The following RIT2 variants were observed in gnomAD, a reference collection of about 807,000 sequenced individuals.
The protein encoded by RIT2 is Ras like without CAAX 2, also known as GTP-binding protein Rit2.
In RIT2, 24 loss-of-function variants were observed where a neutral mutation model predicts 23.7. The observed-to-expected ratio is 1.01, with a 90% CI of 0.73 to 1.43. The LOEUF is 1.43. Among genes scored for constraint, RIT2 ranks in the 40% most tolerant of loss-of-function variants. The probability of loss-of-function intolerance (pLI) is 0.00; values close to 1 mark genes in which losing one functional copy is unlikely to be tolerated. For missense variants in RIT2, 236 were observed against 266.9 expected, an observed-to-expected ratio of 0.88 and a Z score of 0.81; for synonymous variants, 107 against 91.1, an observed-to-expected ratio of 1.17 and a Z score of -0.99.
chr18:42,913,730 C>A lies in RIT2; in HGVS notation c.426+9842G>T, dbSNP rs544524048. On this transcript the variant is annotated intron_variant, in intron 4 of 4. Coordinates refer to ENST00000326695, the MANE Select transcript of RIT2 (RefSeq NM_002930.4). The stretch of plus-strand genomic sequence containing the variant: ...TGCAGGGAGGCGCTGGTAAGATGGT[C>A]AAAGGATACAACATTTCAGCTAGTT... Among the ~76,000 whole-genome samples, 61 of 151,902 alleles carry A rather than the reference C, an allele frequency of 4.0e-4. 1 individual carries two copies. The highest frequency in any genetic ancestry group is 1.2e-3 in the South Asian group (6 of 4,818).
intron 4 of RIT2, among the ~76,000 whole-genome samples, chr18:42,876,941 T>A (rs1025937316): frequency 6.6e-6 from 1 of 151,876 alleles, no homozygotes; most frequent in Non-Finnish European, 1.5e-5. Context: ...TAGTGGAAAA[T>A]CCAAACCCTC....
chr18:42,991,345 G>A (rs1910843393), intron 2 of RIT2, among the ~76,000 whole-genome samples: 1 of 152,172 alleles, frequency 6.6e-6, no homozygotes, highest in Non-Finnish European at 1.5e-5. Context: ...CACAGTGGTG[G>A]CAATGACAGT....
chr18:42,758,680 A>AT (rs11371811), intron 4 of RIT2, among the ~76,000 whole-genome samples: 89,387 of 139,748 alleles, frequency 0.64, 31,860 homozygotes, highest in Non-Finnish European at 0.81. Context: ...CACCCGGCTA[A>AT]TTTTTTTTTT....
chr18:43,060,046 A>C (rs966008427), intron 1 of RIT2, among the ~76,000 whole-genome samples: 3 of 152,144 alleles, frequency 2.0e-5, no homozygotes, highest in Non-Finnish European at 4.4e-5. Context: ...TTGTGAACTG[A>C]AGTTCATCCA....
intron 4 of RIT2, among the ~76,000 whole-genome samples, chr18:42,848,750 T>C (rs1270136195): frequency 2.0e-5 from 3 of 152,164 alleles, no homozygotes; most frequent in Non-Finnish European, 4.4e-5. Context: ...TTGTGAAGTT[T>C]TTTTTTAGTG....
intron 3 of RIT2, among the ~76,000 whole-genome samples, chr18:42,924,650 G>A (rs533069301): frequency 6.6e-6 from 1 of 151,994 alleles, no homozygotes; most frequent in South Asian, 2.1e-4. Flanking sequence ...GAACAAAAGA[G>A]CATATTGTGA....
intron 4 of RIT2, among the ~76,000 whole-genome samples, chr18:42,847,645 A>G (rs1222690060): frequency 6.6e-6 from 1 of 152,076 alleles, no homozygotes; most frequent in Non-Finnish European, 1.5e-5. Flanking sequence ...ATTTTATTAA[A>G]GAGATTTAAG....
intron 1 of RIT2, among the ~76,000 whole-genome samples, chr18:43,103,522 G>A (rs937478853): frequency 2.6e-5 from 4 of 152,172 alleles, no homozygotes; most frequent in Admixed American, 6.5e-5. Context: ...TATTGGAAGG[G>A]ATAATAATCA....
chr18:42,873,784 C>T (rs572209544), intron 4 of RIT2, among the ~76,000 whole-genome samples: 2 of 152,192 alleles, frequency 1.3e-5, no homozygotes, highest in Non-Finnish European at 2.9e-5. Context: ...CATTTGTTTT[C>T]AGGAAGGAGG....
At chr18:43,037,091 TATA>T (rs1243062372) in intron 1 of RIT2, among the ~76,000 whole-genome samples, 9 of 152,350 alleles carry the variant, frequency 5.9e-5, no homozygotes, top group African/African-American at 2.2e-4. Context: ...GTACTGACTT[TATA>T]ATATCTTAAT....
chr18:42,976,643 A>G (rs930280354), intron 2 of RIT2, among the ~76,000 whole-genome samples: 2 of 152,090 alleles, frequency 1.3e-5, no homozygotes, highest in African/African-American at 4.8e-5. Flanking sequence ...TTTGTATGTA[A>G]TAAATACAAG....
intron 3 of RIT2, among the ~76,000 whole-genome samples, chr18:42,924,636 G>T (rs1207568025): frequency 6.6e-6 from 1 of 151,992 alleles, no homozygotes; most frequent in East Asian, 1.9e-4. Context: ...AATAAGCAAT[G>T]AAAGAACAAA....
At chr18:42,817,625 T>G (rs1056521683) in intron 4 of RIT2, among the ~76,000 whole-genome samples, 3 of 152,072 alleles carry the variant, frequency 2.0e-5, no homozygotes, top group African/African-American at 7.2e-5. Flanking sequence ...TCGCTTATCT[T>G]TAAATGGAGA....
At chr18:42,778,444 C>A (rs1173178074) in intron 4 of RIT2, among the ~76,000 whole-genome samples, 1 of 152,076 alleles carries the variant, frequency 6.6e-6, no homozygotes, top group Non-Finnish European at 1.5e-5. Flanking sequence ...CTATAAATAT[C>A]TACTGGACTT....
At chr18:43,071,360 C>G (rs1247482570) in intron 1 of RIT2, among the ~76,000 whole-genome samples, 2 of 152,146 alleles carry the variant, frequency 1.3e-5, no homozygotes, top group African/African-American at 4.8e-5. Context: ...AGGTTCTCAA[C>G]TGGCGATGGA....
chr18:43,044,570 G>A (rs1278554906), intron 1 of RIT2, among the ~76,000 whole-genome samples: 1 of 152,132 alleles, frequency 6.6e-6, no homozygotes. Flanking sequence ...AGATGGGAAG[G>A]GAATCTGAGA....
intron 4 of RIT2, among the ~76,000 whole-genome samples, chr18:42,779,517 C>T (rs1199211862): frequency 6.6e-6 from 1 of 152,130 alleles, no homozygotes; most frequent in Non-Finnish European, 1.5e-5. Context: ...TCTTCTATTG[C>T]AAGTCTTGAC....
At chr18:42,916,454 G>A (rs944662527) in intron 4 of RIT2, among the ~76,000 whole-genome samples, 5 of 152,070 alleles carry the variant, frequency 3.3e-5, no homozygotes, top group Admixed American at 3.3e-4. Flanking sequence ...TTGCTACTCT[G>A]TTTTACAGCT....
intron 2 of RIT2, among the ~76,000 whole-genome samples, chr18:43,013,826 T>C (rs35263476): frequency 0.51 from 77,330 of 151,502 alleles, 22,989 homozygotes; most frequent in Non-Finnish European, 0.67. Context: ...ACAAGGGCCC[T>C]GACATCCTCT....
Sources: gnomAD v4.1 joint callset for allele counts (sites outside exome capture counted in the v4.1 genomes callset) on GRCh38, gnomAD v4.1.1 for gene constraint, MANE v1.5 for transcripts, NCBI Gene and HGNC (gene_info 2026-07-23, HGNC 2026-07-21) for gene names.